PXDNL: variants seen among roughly 807,000 people sequenced by gnomAD.
The protein encoded by PXDNL is peroxidasin like.
In PXDNL, 145 loss-of-function variants were observed where a neutral mutation model predicts 150.8. The observed-to-expected ratio is 0.96, with a 90% CI of 0.84 to 1.10. The LOEUF (loss-of-function observed/expected upper bound fraction) is 1.10, where lower values mean the gene tolerates loss of function less well. PXDNL is among the 50% of genes least tolerant of loss of function. The pLI is 0.00. For synonymous variants in PXDNL, 757 were observed against 725.7 expected (o/e 1.04, Z -0.69); for missense variants, 2,087 against 1,873.9 (o/e 1.11, Z -2.10).
intron 4 of PXDNL, among the ~76,000 whole-genome samples, chr8:51,552,000 C>G (rs1322959254): frequency 1.3e-5 from 2 of 151,996 alleles, no homozygotes; most frequent in African/African-American, 4.8e-5. Context: ...GTAATCCCAT[C>G]AAAAAGTGTG....
chr8:51,428,445 C>A (rs1809167995), intron 12 of PXDNL, among the ~76,000 whole-genome samples: 1 of 152,158 alleles, frequency 6.6e-6, no homozygotes, highest in African/African-American at 2.4e-5. Context: ...AGCAACTGAT[C>A]TACTTGATTT....
chr8:51,603,871 C>T (rs1813780999), intron 2 of PXDNL, among the ~76,000 whole-genome samples: 1 of 152,046 alleles, frequency 6.6e-6, no homozygotes, highest in Non-Finnish European at 1.5e-5. Context: ...GTTGCTAAAT[C>T]AGGAAACAGG....
chr8:51,761,595 T>A (rs1209396789), intron 1 of PXDNL, among the ~76,000 whole-genome samples: 1 of 152,166 alleles, frequency 6.6e-6, no homozygotes, highest in Non-Finnish European at 1.5e-5. Context: ...GATTTAAAGC[T>A]CTTAATAGAT....
At position 51,363,241 on chromosome 8, in the gene PXDNL, C is replaced by T. The variant is rs78209606; in HGVS notation, c.3901+8632G>A. On this transcript the variant is annotated intron_variant, in intron 19 of 22. Transcript: ENST00000356297. ...CCCTTCATAGTCCTCCTGGGTGCCA[C>T]GTGGCTAAATGGCATATAGGGGAAG... 9.5e-3 allele frequency among the ~76,000 whole-genome samples: 1,448 copies of T among 152,070 alleles called. 19 individuals are homozygous for T. Among genetic ancestry groups the T allele is most frequent in the African/African-American group, 0.031 (1,292 of 41,444 alleles).
At chr8:51,720,511 T>C (rs942162305) in intron 1 of PXDNL, among the ~76,000 whole-genome samples, 5 of 152,318 alleles carry the variant, frequency 3.3e-5, no homozygotes, top group African/African-American at 1.2e-4. Context: ...TTTTTGAGAA[T>C]TTATACATAG....
intron 2 of PXDNL, among the ~76,000 whole-genome samples, chr8:51,612,569 G>A (rs1281647227): frequency 6.6e-6 from 1 of 152,118 alleles, no homozygotes. Flanking sequence ...CTAAGGTGAT[G>A]GTATTGGGAA....
chr8:51,324,691 C>T (rs1458710958), intron 21 of PXDNL, among the ~76,000 whole-genome samples: 2 of 152,084 alleles, frequency 1.3e-5, no homozygotes, highest in African/African-American at 4.8e-5. Context: ...TGATTCTTTC[C>T]CCTCTGATCC....
chr8:51,470,285 T>C (rs2130084189), intron 8 of PXDNL, among the ~76,000 whole-genome samples: 1 of 152,250 alleles, frequency 6.6e-6, no homozygotes, highest in Admixed American at 6.5e-5. Flanking sequence ...ATACAAGCTA[T>C]TTTTAACCTA....
chr8:51,805,406 ACTCC>A (rs983143175), intron 1 of PXDNL, among the ~76,000 whole-genome samples: 18 of 147,846 alleles, frequency 1.2e-4, no homozygotes, highest in African/African-American at 4.4e-4. Context: ...GATTGCAGCT[ACTCC>A]CTATTATTCC....
chr8:51,483,387 T>C (rs575648581), intron 6 of PXDNL, among the ~76,000 whole-genome samples: 1 of 152,328 alleles, frequency 6.6e-6, no homozygotes, highest in Non-Finnish European at 1.5e-5. Context: ...CCAGCAAGGA[T>C]ATTACAGAGA....
At chr8:51,587,662 G>A (rs750089552) in intron 3 of PXDNL, among the ~76,000 whole-genome samples, 2 of 152,088 alleles carry the variant, frequency 1.3e-5, no homozygotes, top group Admixed American at 6.6e-5. Context: ...GAAAATGCAC[G>A]CTATAAATAA....
At chr8:51,599,121 T>C (rs1813637323) in intron 2 of PXDNL, among the ~76,000 whole-genome samples, 1 of 152,156 alleles carries the variant, frequency 6.6e-6, no homozygotes, top group Non-Finnish European at 1.5e-5. Flanking sequence ...TTGGATCTTC[T>C]CTTTTTCTCT....
intron 2 of PXDNL, among the ~76,000 whole-genome samples, chr8:51,608,557 GC>G (rs1463400653): frequency 6.7e-6 from 1 of 148,252 alleles, no homozygotes. Context: ...AGTATTGCAG[GC>G]CGGGCGCGGT....
At chr8:51,437,547 TAA>T (rs1449758014) in intron 12 of PXDNL, among the ~76,000 whole-genome samples, 1 of 152,162 alleles carries the variant, frequency 6.6e-6, no homozygotes, top group Non-Finnish European at 1.5e-5. Flanking sequence ...TGCAAATCAA[TAA>T]GTGTGATACA....
intron 1 of PXDNL, among the ~76,000 whole-genome samples, chr8:51,707,946 T>C (rs1057034069): frequency 1.3e-5 from 2 of 152,096 alleles, no homozygotes; most frequent in Non-Finnish European, 2.9e-5. Context: ...AATATATATA[T>C]ATAATATTTT....
chr8:51,371,868 C>G lies in PXDNL; in HGVS notation c.3901+5G>C, dbSNP rs1349847903. The stretch of plus-strand genomic sequence containing the variant: ...CCAGATCGTGCTCATTGCATTATTA[C>G]TGACCTGCACAGCAGTCTTGCCACA... On this transcript the variant is annotated splice_donor_5th_base_variant and intron_variant, in intron 19 of 22. Coordinates refer to ENST00000356297, the MANE Select transcript of PXDNL (RefSeq NM_144651.5). The G allele has an allele frequency of 1.2e-6, 2 of 1,611,572 alleles. No individual in the cohort carries two copies. Among genetic ancestry groups the G allele is most frequent in the East Asian group, 4.5e-5 (2 of 44,874 alleles).
intron 14 of PXDNL, among the ~76,000 whole-genome samples, chr8:51,417,725 CAT>C (rs1808835625): frequency 6.6e-6 from 1 of 152,150 alleles, no homozygotes; most frequent in Admixed American, 6.5e-5. Context: ...AAAACTGACA[CAT>C]GTGAGGGCTG....
chr8:51,411,456 C>G (rs776215731), intron 15 of PXDNL, 49 bp from the exon 16 acceptor site: 1 of 1,489,092 alleles, frequency 6.7e-7, no homozygotes, highest in East Asian at 2.6e-5. Context: ...ACAGCAGAGT[C>G]CATGAAGCTT....
rs2130886922 is a variant in PXDNL at position 51,408,676 on chromosome 8, G to A, written c.2948C>T (p.Thr983Met). 1.2e-6 allele frequency: 2 copies of A among 1,600,426 alleles called. No individual in the cohort carries two copies. Among genetic ancestry groups the A allele is most frequent in the Non-Finnish European group, 8.5e-7 (1 of 1,173,310 alleles). The change falls in exon 17 of 23, where the codon ACG becomes ATG. Residue 983 changes from threonine to methionine, a missense_variant. Physicochemically the swap from Thr to Met is moderately conservative, Grantham distance 81. Transcript: ENST00000356297. ...LWFREHNRMA[T>M]ELSALNPHWE... The stretch of plus-strand genomic sequence containing the variant: ...GTGGGGGTTCAGGGCGGACAGCTCC[G>A]TGGCCATCCTGTTGTGTTCCCGGAA...
Sources: allele counts gnomAD v4.1 joint callset (sites outside exome capture counted in the v4.1 genomes callset), GRCh38; gene constraint gnomAD v4.1.1; transcripts MANE v1.5; gene names NCBI Gene and HGNC (gene_info 2026-07-23, HGNC 2026-07-21).